RARG: variants seen among roughly 807,000 people sequenced by gnomAD.
RARG encodes the protein retinoic acid receptor gamma, also known as RAR-gamma.
In RARG, 17 loss-of-function variants were observed where a neutral mutation model predicts 43.7. The ratio of observed to expected loss-of-function variants is 0.39; its 90% confidence interval spans 0.27 to 0.58. The LOEUF is 0.58. Among genes scored for constraint, RARG ranks in the 20% least tolerant of loss-of-function variants. RARG has a pLI of 0.57. For missense variants in RARG, 346 were observed against 598.7 expected, an observed-to-expected ratio of 0.58 and a Z score of 4.40; for synonymous variants, 238 against 236.4, an observed-to-expected ratio of 1.01 and a Z score of -0.06.
At chr12:53,219,094 A>G (rs983461486) in intron 3 of RARG, among the ~76,000 whole-genome samples, 1 of 152,128 alleles carries the variant, frequency 6.6e-6, no homozygotes, top group African/African-American at 2.4e-5. Flanking sequence ...CGGAGGGGGA[A>G]GATAGATATT....
intron 3 of RARG, among the ~76,000 whole-genome samples, chr12:53,216,885 G>A (rs775650573): frequency 7.3e-5 from 11 of 151,282 alleles, no homozygotes; most frequent in Non-Finnish European, 1.6e-4. Context: ...TCAGAGGCTC[G>A]GAAAATTTGT....
At chr12:53,220,581 C>T (rs1281330908) in intron 3 of RARG, among the ~76,000 whole-genome samples, 4 of 152,140 alleles carry the variant, frequency 2.6e-5, no homozygotes, top group Non-Finnish European at 5.9e-5. Flanking sequence ...AGTGAACATA[C>T]ATGTGAGCAC....
chr12:53,219,350 G>A (rs1203080872), intron 3 of RARG, among the ~76,000 whole-genome samples: 1 of 152,122 alleles, frequency 6.6e-6, no homozygotes, highest in African/African-American at 2.4e-5. Flanking sequence ...CCCGGCATGA[G>A]AACACACAGG....
intron 6 of RARG, 81 bp downstream of exon 6, chr12:53,214,365 A>G: frequency 6.4e-7 from 1 of 1,559,030 alleles, no homozygotes; most frequent in Non-Finnish European, 8.8e-7. Context: ...GCACCAGTCG[A>G]TGATAGCCTC....
Position 53,215,581 on chromosome 12 carries a change from G to C in RARG, c.333+65C>G. Reference sequence around the variant, plus strand: ...TGCTGCTCAGACACAGCATCTGTGTGCCTGGTCTCTCATCTTACTAGGGTA... The same window carrying C: ...TGCTGCTCAGACACAGCATCTGTGTCCCTGGTCTCTCATCTTACTAGGGTA... On this transcript the variant is annotated intron_variant, in intron 4 of 9. Coordinates refer to ENST00000425354, the MANE Select transcript of RARG (RefSeq NM_000966.6). The surrounding 1 kb of genome is among the most constrained non-coding windows in gnomAD (Gnocchi z 6.4). The C allele has an allele frequency of 1.9e-6, 3 of 1,585,238 alleles. No individual in the cohort carries two copies. The highest frequency in any genetic ancestry group is 2.6e-6 in the Non-Finnish European group (3 of 1,161,578).
intron 6 of RARG, 60 bp from the exon 7 acceptor site, chr12:53,214,295 C>T (rs954637535): frequency 1.0e-5 from 16 of 1,554,098 alleles, no homozygotes; most frequent in Non-Finnish European, 1.2e-5. Flanking sequence ...TGGGGGCTGT[C>T]TTCTCTCTAC....
Position 53,227,211 on chromosome 12 carries a change from A to T in RARG, c.184+151T>A. The T allele has an allele frequency of 1.4e-6, 1 of 732,280 alleles. No individual in the cohort carries two copies. Among genetic ancestry groups the T allele is most frequent in the Non-Finnish European group, 2.0e-6 (1 of 492,252 alleles). 45.4% of individuals were successfully genotyped at this position (732,280 alleles called of 1,614,324 possible). ...TCCAAACTCCTTCCTCACCACCACT[A>T]CCACCCTCCATTATTCACTACTACT... On this transcript the variant is annotated intron_variant, in intron 3 of 9. Transcript: ENST00000425354. The surrounding 1 kb of genome is among the most constrained non-coding windows in gnomAD (Gnocchi z 4.3).
At chr12:53,217,501 A>G (rs1332095240) in intron 3 of RARG, among the ~76,000 whole-genome samples, 1 of 152,196 alleles carries the variant, frequency 6.6e-6, no homozygotes, top group East Asian at 1.9e-4. Context: ...GGGCAGTGCC[A>G]GCCAATTATA....
At chr12:53,212,733 TATATACACACACACACAC>T (rs1341924032) in intron 9 of RARG, among the ~76,000 whole-genome samples, 4 of 130,796 alleles carry the variant, frequency 3.1e-5, no homozygotes, top group African/African-American at 9.3e-5. Context: ...TCTAAATATA[TATATACACACACACACAC>T]ACACACACAC....
At position 53,225,752 on chromosome 12, in the gene RARG, C is replaced by T. The variant is rs1204636169; in HGVS notation, c.184+1610G>A. Among the ~76,000 whole-genome samples, 7 of 152,312 alleles carry T rather than the reference C, an allele frequency of 4.6e-5. 1 individual carries two copies. Among genetic ancestry groups the T allele is most frequent in the African/African-American group, 1.2e-4 (5 of 41,564 alleles). On this transcript the variant is annotated intron_variant, in intron 3 of 9. Transcript: ENST00000425354. ...ATGGCCTGGCCAGGAGGAATGACTA[C>T]CAACTGGGAGGAGAGGGGTCCCAGA...
chr12:53,225,365 T>C (rs1320803779), intron 3 of RARG, among the ~76,000 whole-genome samples: 1 of 152,138 alleles, frequency 6.6e-6, no homozygotes, highest in Non-Finnish European at 1.5e-5. Flanking sequence ...CACACTGGAA[T>C]TCTGTACATG....
intron 5 of RARG, chr12:53,214,829 A>G: frequency 2.0e-6 from 1 of 510,514 alleles, no homozygotes; most frequent in Non-Finnish European, 3.4e-6. Context: ...TCCCCAGGCC[A>G]TTCGGCTCCA....
chr12:53,211,774 C>G lies in RARG; in HGVS notation c.1267G>C (p.Glu423Gln). ...GGACCAGGCTGCGAGGAGTCATCCT[C>G]AAACATTTCAGGGTTCTCCAGCATC... ...REMLENPEMF[E>Q]DDSSQPGPHP... Residue 423 changes from glutamate to glutamine, a missense_variant, in exon 10 of 10, where the codon GAG (glutamate) becomes CAG (glutamine). Around this residue, in one of 8 missense-constraint regions of RARG, gnomAD observed 40 missense variants for 44.6 expected, o/e 0.90. Transcript: ENST00000425354. The surrounding 1 kb of genome is among the most constrained non-coding windows in gnomAD (Gnocchi z 4.6). 1 of 1,566,254 alleles carries G rather than the reference C, an allele frequency of 6.4e-7. No homozygotes were observed. Among genetic ancestry groups the G allele is most frequent in the Non-Finnish European group, 8.6e-7 (1 of 1,156,740 alleles).
Position 53,228,800 on chromosome 12 carries a change from C to T in RARG, c.-142-1113G>A, listed in dbSNP as rs143844198. On this transcript the variant is annotated intron_variant, in intron 2 of 9. Transcript: ENST00000425354. ...GGTTGGTCAGGCTGGTCTCGAACTC[C>T]CAACCTCAGATGATCCGCCCACCTT... is the stretch of plus-strand genomic sequence containing the variant. Among the ~76,000 whole-genome samples the T allele has an allele frequency of 5.6e-3, 857 of 152,174 alleles. 5 individuals carry two copies. The highest frequency in any genetic ancestry group is 0.02 in the African/African-American group (810 of 41,516).
chr12:53,221,874 G>A (rs1032307411), intron 3 of RARG, among the ~76,000 whole-genome samples: 2 of 151,822 alleles, frequency 1.3e-5, no homozygotes, highest in Admixed American at 1.3e-4. Context: ...GGCTGTGGCT[G>A]GGCCAGGGCG....
intron 3 of RARG, chr12:53,220,523 G>A: frequency 2.9e-6 from 1 of 347,596 alleles, no homozygotes; most frequent in Non-Finnish European, 5.2e-6. Flanking sequence ...ACACACATCC[G>A]TGCATGCATT....
chr12:53,218,290 C>T (rs571650024), intron 3 of RARG, among the ~76,000 whole-genome samples: 50 of 152,244 alleles, frequency 3.3e-4, no homozygotes, highest in African/African-American at 1.2e-3. Context: ...TTTGTGTGTC[C>T]ACCAGGATCC....
chr12:53,223,508 T>A (rs886512571), intron 3 of RARG, among the ~76,000 whole-genome samples: 3 of 146,790 alleles, frequency 2.0e-5, no homozygotes, highest in Non-Finnish European at 4.5e-5. Flanking sequence ...GGCGGCGGCT[T>A]GCCCGGCTCC....
chr12:53,212,784 T>C (rs984171370), intron 9 of RARG, among the ~76,000 whole-genome samples: 10 of 143,142 alleles, frequency 7.0e-5, no homozygotes, highest in Non-Finnish European at 1.5e-4. Flanking sequence ...ACACACATAC[T>C]TGGAATTGTG....
Sources: gnomAD v4.1 joint callset for allele counts (sites outside exome capture counted in the v4.1 genomes callset) on GRCh38, gnomAD v4.1.1 for gene constraint, gnomAD v4.1.1 regional missense constraint, Gnocchi (gnomAD v3.1) non-coding constraint, MANE v1.5 for transcripts, NCBI Gene and HGNC (gene_info 2026-07-23, HGNC 2026-07-21) for gene names.